SLC8A1: variants seen among roughly 807,000 people sequenced by gnomAD.
The protein encoded by SLC8A1 is sodium/calcium exchanger 1.
Under a neutral mutation model 68.3 loss-of-function variants are expected in SLC8A1, and 18 were observed. The observed-to-expected ratio is 0.26, with a 90% CI of 0.18 to 0.39. The LOEUF (loss-of-function observed/expected upper bound fraction) is 0.39, where lower values mean the gene tolerates loss of function less well. Ranked by LOEUF, SLC8A1 falls within the 10% of genes least tolerant of loss-of-function variation. SLC8A1 has a pLI of 1.00. For missense variants in SLC8A1, 985 were observed against 1,156.7 expected, an observed-to-expected ratio of 0.85 and a Z score of 2.15; for synonymous variants, 475 against 415.5, an observed-to-expected ratio of 1.14 and a Z score of -1.74.
chr2:40,321,021 A>C (rs905087995), intron 2 of SLC8A1, among the ~76,000 whole-genome samples: 1 of 152,146 alleles, frequency 6.6e-6, no homozygotes, highest in Non-Finnish European at 1.5e-5. Flanking sequence ...CACAGGGAAG[A>C]GGCTGTAAAC....
intron 2 of SLC8A1, among the ~76,000 whole-genome samples, chr2:40,336,502 C>A (rs993484111): frequency 2.6e-5 from 4 of 152,094 alleles, no homozygotes; most frequent in African/African-American, 9.7e-5. Flanking sequence ...CTCAAGAGTT[C>A]CAGATAAATC....
chr2:40,236,923 T>C (rs2060467467), intron 2 of SLC8A1, among the ~76,000 whole-genome samples: 2 of 152,282 alleles, frequency 1.3e-5, no homozygotes, highest in African/African-American at 4.8e-5. Context: ...ATGTTGAACA[T>C]TGGCCCCCAC....
intron 4 of SLC8A1, 29 bp downstream of exon 7, chr2:40,170,252 G>T: frequency 6.2e-7 from 1 of 1,601,258 alleles, no homozygotes; most frequent in South Asian, 1.1e-5. Context: ...GGAGGCTGTG[G>T]TTTTCAAGGA....
intron 2 of SLC8A1, among the ~76,000 whole-genome samples, chr2:40,326,894 G>C (rs1056011951): frequency 1.3e-5 from 2 of 152,186 alleles, no homozygotes; most frequent in African/African-American, 4.8e-5. Context: ...CCAGACTGCA[G>C]AGGTATTGAT....
chr2:40,287,623 T>C (rs1270540300), intron 2 of SLC8A1, among the ~76,000 whole-genome samples: 1 of 148,424 alleles, frequency 6.7e-6, no homozygotes, highest in Admixed American at 6.8e-5. Flanking sequence ...TGTGTGTGCA[T>C]GCAGGGACAA....
rs138511242 is a variant in SLC8A1, at chr2:40,371,669, C to A, written c.1808+56804G>T. On this transcript the variant is annotated intron_variant, in intron 2 of 7. Coordinates refer to ENST00000406785, the Ensembl canonical transcript of SLC8A1. ...ATTTTATCTGATTTTGGAGATAGAA[C>A]AGAGACACATATGTTTAAAGAGGAA... 3.9e-3 allele frequency among the ~76,000 whole-genome samples: 597 copies of A among 152,202 alleles called. 4 individuals are homozygous for A. Among genetic ancestry groups the A allele is most frequent in the Middle Eastern group, 0.017 (5 of 294 alleles).
At chr2:40,422,727 A>G (rs1695854059) in intron 2 of SLC8A1, among the ~76,000 whole-genome samples, 1 of 152,192 alleles carries the variant, frequency 6.6e-6, no homozygotes, top group South Asian at 2.1e-4. Flanking sequence ...AGGACTAGTT[A>G]ACAAAGAGAA....
chr2:40,360,441 A>G (rs148572628), intron 2 of SLC8A1, among the ~76,000 whole-genome samples: 1 of 152,220 alleles, frequency 6.6e-6, no homozygotes, highest in East Asian at 1.9e-4. Context: ...TTTATATAAG[A>G]GCCCTTTATC....
At chr2:40,400,083 T>A (rs1688244222) in intron 2 of SLC8A1, among the ~76,000 whole-genome samples, 1 of 152,174 alleles carries the variant, frequency 6.6e-6, no homozygotes, top group African/African-American at 2.4e-5. Context: ...GCTTGCTCAA[T>A]CGATCACGAC....
chr2:40,218,692 A>G (rs2057859946), intron 2 of SLC8A1, among the ~76,000 whole-genome samples: 1 of 151,566 alleles, frequency 6.6e-6, no homozygotes, highest in Non-Finnish European at 1.5e-5. Flanking sequence ...TAGTGACCAT[A>G]ATGCTTTATG....
chr2:40,420,886 A>G (rs1196935922), intron 2 of SLC8A1, among the ~76,000 whole-genome samples: 1 of 152,160 alleles, frequency 6.6e-6, no homozygotes, highest in East Asian at 1.9e-4. Flanking sequence ...TGAATTCTGG[A>G]TCCACCCTTT....
At chr2:40,475,493 T>C (rs1704237107) in intron 1 of SLC8A1, among the ~76,000 whole-genome samples, 1 of 152,144 alleles carries the variant, frequency 6.6e-6, no homozygotes, top group Admixed American at 6.5e-5. Flanking sequence ...TGTAGGTATT[T>C]ATTGTATTTG....
chr2:40,385,078 T>C (rs1683124001), intron 2 of SLC8A1, among the ~76,000 whole-genome samples: 1 of 152,220 alleles, frequency 6.6e-6, no homozygotes, highest in Middle Eastern at 3.4e-3. Flanking sequence ...TCAATTCCTA[T>C]AGTACTCAAA....
intron 2 of SLC8A1, among the ~76,000 whole-genome samples, chr2:40,238,450 G>A (rs973805845): frequency 4.4e-4 from 65 of 147,210 alleles, no homozygotes; most frequent in South Asian, 1.3e-3. Context: ...GGCAATGCTC[G>A]CCCTGCTTCG....
chr2:40,129,538 C>G (rs1217636264), intron 7 of SLC8A1, among the ~76,000 whole-genome samples: 1 of 152,160 alleles, frequency 6.6e-6, no homozygotes, highest in Non-Finnish European at 1.5e-5. Flanking sequence ...ACCTGGCCAC[C>G]TTCATTTCAA....
At chr2:40,423,068 G>C (rs1258547739) in intron 2 of SLC8A1, among the ~76,000 whole-genome samples, 2 of 152,084 alleles carry the variant, frequency 1.3e-5, no homozygotes, top group East Asian at 1.9e-4. Context: ...TCTACAAATA[G>C]CAATCCTTTA....
intron 3 of SLC8A1, 130 bp downstream of exon 4, chr2:40,175,131 C>A: frequency 1.1e-6 from 1 of 922,920 alleles, no homozygotes; most frequent in South Asian, 1.5e-5. Context: ...AAAATGAGGT[C>A]AATGGCCCTA....
chr2:40,313,754 T>C (rs560105814), intron 2 of SLC8A1, among the ~76,000 whole-genome samples: 37 of 152,196 alleles, frequency 2.4e-4, no homozygotes, highest in East Asian at 7.7e-4. Context: ...TACTATTTCA[T>C]TGGGGTTAAT....
intron 4 of SLC8A1, among the ~76,000 whole-genome samples, chr2:40,166,273 G>A (rs182499660): frequency 0.025 from 3,776 of 152,246 alleles, 173 homozygotes; most frequent in African/African-American, 0.085. Context: ...CTAGCTGCTC[G>A]TTGTGAGGGC....
Sources: gnomAD v4.1 joint callset for allele counts (sites outside exome capture counted in the v4.1 genomes callset) on GRCh38, gnomAD v4.1.1 for gene constraint, MANE v1.5 for transcripts, NCBI Gene and HGNC (gene_info 2026-07-23, HGNC 2026-07-21) for gene names.